The following NDUFA3 variants were observed in gnomAD, a reference collection of about 807,000 sequenced individuals.
NDUFA3 encodes the protein NADH dehydrogenase [ubiquinone] 1 alpha subcomplex subunit 3.
Under a neutral mutation model 11.4 loss-of-function variants are expected in NDUFA3, and 10 were observed. That is an observed-to-expected ratio of 0.87 (90% CI 0.54 to 1.48). The LOEUF (loss-of-function observed/expected upper bound fraction) is 1.48. NDUFA3 is among the 40% of genes most tolerant of loss of function. The probability of loss-of-function intolerance (pLI) is 0.00; values close to 1 mark genes in which losing one functional copy is unlikely to be tolerated. For synonymous variants in NDUFA3, 39 were observed against 46.9 expected, an observed-to-expected ratio of 0.83 and a Z score of 0.68; for missense variants, 115 against 110.5, an observed-to-expected ratio of 1.04 and a Z score of -0.18.
chr19:54,105,264 C>CCTTTTTTTTTTTTTTTTTTTTT lies in NDUFA3; in HGVS notation c.86-670_86-669insCTTTTTTTTTTTTTTTTTTTTT, dbSNP rs1316415018. 1.7e-4 allele frequency among the ~76,000 whole-genome samples: 12 copies of CCTTTTTTTTTTTTTTTTTTTTT among 71,262 alleles called. 1 individual carries two copies. Among genetic ancestry groups the CCTTTTTTTTTTTTTTTTTTTTT allele is most frequent in the African/African-American group, 4.2e-4 (7 of 16,568 alleles). 46.8% of individuals were successfully genotyped at this position (71,262 alleles called of 152,430 possible). The stretch of plus-strand genomic sequence containing the variant: ...ACCCTTTCTCCTCCAGTTTGTAAGG[C>CCTTTTTTTTTTTTTTTTTTTTT]TTTTTTTTTTTTTTTTTTTTTGGTG... On this transcript the variant is annotated intron_variant, in intron 2 of 3. Transcript: ENST00000485876.
At position 54,106,912 on chromosome 19, in the gene NDUFA3, C is replaced by T. The variant is rs1005601392; in HGVS notation, c.*10C>T. 2 of 1,608,984 alleles carry T rather than the reference C, an allele frequency of 1.2e-6. No individual in the cohort carries two copies. Among genetic ancestry groups the T allele is most frequent in the Non-Finnish European group, 1.7e-6 (2 of 1,178,124 alleles). On this transcript the variant is annotated 3_prime_UTR_variant, in exon 4 of 4. Coordinates refer to ENST00000485876, the MANE Select transcript of NDUFA3 (RefSeq NM_004542.4). ...GCTGAAGAAACTGTGAGCACCTCCA[C>T]TGACAGAGGCGGCCCCTCCCACGGC...
chr19:54,105,638 C>T (rs1412074807), intron 2 of NDUFA3: 2 of 641,056 alleles, frequency 3.1e-6, no homozygotes, highest in East Asian at 3.3e-5. Context: ...CCATGATGAC[C>T]CTACACTCAA....
chr19:54,105,863 A>G (rs254256), intron 2 of NDUFA3, 71 bp from the exon 3 acceptor site: 724,999 of 1,355,350 alleles, frequency 0.53, 196,635 homozygotes, highest in African/African-American at 0.64. Flanking sequence ...TCCCTTTGCC[A>G]AGGCTCACCT....
At chr19:54,104,298 C>T (rs780218412) in intron 2 of NDUFA3, among the ~76,000 whole-genome samples, 4 of 151,732 alleles carry the variant, frequency 2.6e-5, no homozygotes, top group African/African-American at 4.8e-5. Context: ...CCACCACGCC[C>T]GGCTAATTTT....
intron 3 of NDUFA3, 196 bp from the exon 4 acceptor site, chr19:54,106,615 C>T (rs2073268696): frequency 2.0e-6 from 1 of 506,374 alleles, no homozygotes; most frequent in Non-Finnish European, 3.5e-6. Flanking sequence ...GGGATCTCTC[C>T]CTCGCTATCT....
intron 2 of NDUFA3, among the ~76,000 whole-genome samples, chr19:54,104,666 G>T (rs2073202449): frequency 6.6e-6 from 1 of 152,080 alleles, no homozygotes; most frequent in Non-Finnish European, 1.5e-5. Flanking sequence ...ATAACAGAGT[G>T]TGTAAACTAC....
Position 54,105,945 on chromosome 19 carries a change from C to T in NDUFA3, c.97C>T (p.Pro33Ser). The T allele has an allele frequency of 1.2e-6, 2 of 1,613,068 alleles. No individual in the cohort carries two copies. The highest frequency in any genetic ancestry group is 1.7e-6 in the Non-Finnish European group (2 of 1,179,120). ...FVVGGLAVIL[P>S]PLSPYFKYSV... is the part of the protein sequence containing the mutation. The stretch of plus-strand genomic sequence containing the variant: ...GTGTCTCTCCACAGCTGTAATTCTG[C>T]CCCCATTGAGCCCCTACTTCAAGTA... Residue 33 changes from proline (P) to serine (S), a missense_variant, in exon 3 of 4, where the codon CCC (proline) becomes TCC (serine). By Grantham distance (74) the Pro-to-Ser change is moderately conservative (BLOSUM62 -1). Coordinates refer to ENST00000485876, the MANE Select transcript of NDUFA3 (RefSeq NM_004542.4).
chr19:54,105,785 C>A, intron 2 of NDUFA3, 149 bp from the exon 3 acceptor site: 1 of 725,248 alleles, frequency 1.4e-6, no homozygotes, highest in South Asian at 1.6e-5. Flanking sequence ...AGTAGGGATC[C>A]CAAGGTACCA....
intron 2 of NDUFA3, 58 bp from the exon 3 acceptor site, chr19:54,105,876 T>C (rs1413187562): frequency 6.9e-7 from 1 of 1,457,786 alleles, no homozygotes; most frequent in Admixed American, 1.7e-5. Context: ...GCTCACCTTC[T>C]CTTCCCCTCT....
At position 54,102,863 on chromosome 19, in the gene NDUFA3, C is replaced by T. The variant is rs1180248434; in HGVS notation, c.-16C>T. 8.7e-6 allele frequency: 14 copies of T among 1,608,696 alleles called. No homozygotes were observed. The highest frequency in any genetic ancestry group is 9.3e-6 in the Non-Finnish European group (11 of 1,177,290). Reference sequence around the variant, plus strand: ...TGCTCCGCGTCCTCGCCGCTGTCGCCGCCGCGGAGACAAAGATGGCTGCGA... The same window carrying T: ...TGCTCCGCGTCCTCGCCGCTGTCGCTGCCGCGGAGACAAAGATGGCTGCGA... On this transcript the variant is annotated 5_prime_UTR_variant, in exon 1 of 4. Transcript: ENST00000485876.
chr19:54,106,341 G>C (rs115806409), intron 3 of NDUFA3: 7 of 398,478 alleles, frequency 1.8e-5, no homozygotes, highest in African/African-American at 2.1e-5. Context: ...AAACTTTTTC[G>C]TATTTTTTTA....
At chr19:54,103,027 C>A in intron 1 of NDUFA3, 87 bp from the exon 2 acceptor site, 1 of 1,537,210 alleles carries the variant, frequency 6.5e-7, no homozygotes, top group Non-Finnish European at 8.9e-7. Context: ...CACGAGGGGG[C>A]TCCTCCAGGG....
intron 3 of NDUFA3, chr19:54,106,403 T>TCA: frequency 9.1e-6 from 3 of 328,812 alleles, no homozygotes; most frequent in South Asian, 7.2e-5. Flanking sequence ...TCTCCTGACC[T>TCA]TGTGATCCAC....
Position 54,107,193 on chromosome 19 carries a change from G to T in NDUFA3, c.*291G>T. ...ATCTGCAGGAGATAAGGAACAAGGT[G>T]TTAACAGGCCTGGGAATCTAGAAAA... On this transcript the variant is annotated 3_prime_UTR_variant, in exon 4 of 4. Coordinates refer to ENST00000485876, the MANE Select transcript of NDUFA3 (RefSeq NM_004542.4). 6.2e-7 allele frequency: 1 copy of T among 1,602,252 alleles called. No homozygotes were observed.
chr19:54,104,394 G>A (rs1375260279), intron 2 of NDUFA3, among the ~76,000 whole-genome samples: 1 of 152,102 alleles, frequency 6.6e-6, no homozygotes, highest in African/African-American at 2.4e-5. Context: ...TTCCCAAAGT[G>A]CTGGGATTAC....
Position 54,105,951 on chromosome 19 carries a change from T to G in NDUFA3, c.103T>G (p.Leu35Val), listed in dbSNP as rs757467001. 5 of 1,613,458 alleles carry G rather than the reference T, an allele frequency of 3.1e-6. No individual in the cohort carries two copies. The Admixed American group carries it at 8.3e-5, about 27-fold the overall frequency. The stretch of plus-strand genomic sequence containing the variant: ...CTCCACAGCTGTAATTCTGCCCCCA[T>G]TGAGCCCCTACTTCAAGTACTCCGT... Reference protein sequence around the residue: ...VGGLAVILPPLSPYFKYSVMI... With the variant: ...VGGLAVILPPVSPYFKYSVMI... Residue 35 changes from leucine to valine, a missense_variant, in exon 3 of 4, where the codon TTG becomes GTG. Coordinates refer to ENST00000485876, the MANE Select transcript of NDUFA3 (RefSeq NM_004542.4).
rs1032789843 is a variant in NDUFA3 at position 54,107,267 on chromosome 19, G to A, written c.*365G>A. ...TTTTCATTTTGTTTTGCTTTTTAAAGAGACAGGGTCTCACTCTGTTGCCCA... is the reference window on the plus strand; with the variant it reads ...TTTTCATTTTGTTTTGCTTTTTAAAAAGACAGGGTCTCACTCTGTTGCCCA... On this transcript the variant is annotated 3_prime_UTR_variant, in exon 4 of 4. Transcript: ENST00000485876. 15 of 1,515,062 alleles carry A rather than the reference G, an allele frequency of 9.9e-6. No individual in the cohort carries two copies. Among genetic ancestry groups the A allele is most frequent in the Admixed American group, 7.7e-5 (4 of 51,652 alleles). 93.9% of individuals were successfully genotyped at this position (1,515,062 alleles called of 1,614,324 possible).
intron 2 of NDUFA3, among the ~76,000 whole-genome samples, chr19:54,103,609 C>A (rs2073160273): frequency 6.6e-6 from 1 of 152,116 alleles, no homozygotes; most frequent in South Asian, 2.1e-4. Flanking sequence ...CTGCCCTCTG[C>A]CCTGGAACTG....
intron 3 of NDUFA3, 111 bp from the exon 4 acceptor site, chr19:54,106,698 CCT>C: frequency 1.3e-6 from 1 of 795,998 alleles, no homozygotes; most frequent in Non-Finnish European, 1.9e-6. Flanking sequence ...TGACCCTTCC[CCT>C]CTCACCCCTG....
Sources: gnomAD v4.1 joint callset for allele counts (sites outside exome capture counted in the v4.1 genomes callset) on GRCh38, gnomAD v4.1.1 for gene constraint, MANE v1.5 for transcripts, NCBI Gene and HGNC (gene_info 2026-07-23, HGNC 2026-07-21) for gene names.